The following CNTNAP2 variants were observed in gnomAD, a reference collection of about 807,000 sequenced individuals.
The protein encoded by CNTNAP2 is contactin associated protein 2.
CNTNAP2 carries 98 observed loss-of-function variants against 155.2 expected under a neutral mutation model. The observed-to-expected ratio is 0.63, with a 90% CI of 0.54 to 0.75. CNTNAP2 has a LOEUF of 0.75. CNTNAP2 is among the 30% of genes least tolerant of loss of function. The pLI is 0.00. For missense variants in CNTNAP2, 1,727 were observed against 1,688.1 expected, an observed-to-expected ratio of 1.02 and a Z score of -0.40; for synonymous variants, 651 against 631.2, an observed-to-expected ratio of 1.03 and a Z score of -0.47.
chr7:147,622,581 C>T (rs1277909145), intron 12 of CNTNAP2, among the ~76,000 whole-genome samples: 1 of 151,760 alleles, frequency 6.6e-6, no homozygotes, highest in Non-Finnish European at 1.5e-5. Context: ...TGGCTTGAAA[C>T]AAATGATGAT....
intron 15 of CNTNAP2, among the ~76,000 whole-genome samples, chr7:148,095,088 A>G (rs1803934033): frequency 6.6e-6 from 1 of 152,244 alleles, no homozygotes; most frequent in African/African-American, 2.4e-5. Flanking sequence ...AAGCACAGAA[A>G]TCAGGGCTAC....
chr7:148,031,169 G>C (rs1011623902), intron 15 of CNTNAP2, among the ~76,000 whole-genome samples: 2 of 152,168 alleles, frequency 1.3e-5, no homozygotes, highest in Admixed American at 6.5e-5. Flanking sequence ...CAGAGACTGA[G>C]AGACTGGGGC....
At chr7:148,001,907 A>G (rs1312444323) in intron 15 of CNTNAP2, among the ~76,000 whole-genome samples, 2 of 152,222 alleles carry the variant, frequency 1.3e-5, no homozygotes, top group Non-Finnish European at 2.9e-5. Flanking sequence ...AAGCTTAATT[A>G]TTCATCAATT....
At chr7:148,116,371 C>T (rs1804472082) in intron 15 of CNTNAP2, among the ~76,000 whole-genome samples, 1 of 152,118 alleles carries the variant, frequency 6.6e-6, no homozygotes, top group South Asian at 2.1e-4. Context: ...CGAAACTAAG[C>T]TTATCAGCAA....
Position 147,436,251 on chromosome 7 carries a change from C to G in CNTNAP2, c.1670+40471C>G, listed in dbSNP as rs1797545967. 3.9e-5 allele frequency among the ~76,000 whole-genome samples: 6 copies of G among 152,206 alleles called. No individual in the cohort carries two copies. The South Asian group carries it at 1.2e-3, about 32-fold the overall frequency. ...TAGGTTAGATACCCTTATTAACTAG[C>G]CAGGGAACCTTCTCTCTTGAAAAAC... On this transcript the variant is annotated intron_variant, in intron 10 of 23. Transcript: ENST00000361727.
intron 19 of CNTNAP2, among the ~76,000 whole-genome samples, chr7:148,225,603 CA>C (rs1489668861): frequency 2.0e-5 from 3 of 152,074 alleles, no homozygotes. Flanking sequence ...AGCAGAGGAT[CA>C]CTCTGACCAC....
chr7:147,348,527 C>T (rs1056920960), intron 9 of CNTNAP2, among the ~76,000 whole-genome samples: 4 of 151,930 alleles, frequency 2.6e-5, no homozygotes, highest in Non-Finnish European at 2.9e-5. Flanking sequence ...GAAAAGGGAA[C>T]TCTTATATGC....
intron 9 of CNTNAP2, among the ~76,000 whole-genome samples, chr7:147,350,873 G>T (rs116385554): frequency 0.016 from 2,491 of 151,790 alleles, 71 homozygotes; most frequent in African/African-American, 0.056. Context: ...ATAAATTCAG[G>T]TTTATAAATT....
At chr7:146,596,389 CAG>C (rs1397330573) in intron 1 of CNTNAP2, among the ~76,000 whole-genome samples, 1 of 151,658 alleles carries the variant, frequency 6.6e-6, no homozygotes, top group Non-Finnish European at 1.5e-5. Flanking sequence ...TGAGAGGAAA[CAG>C]TAATAGGAGA....
chr7:148,040,407 G>C (rs1585092404), intron 15 of CNTNAP2, among the ~76,000 whole-genome samples: 1 of 152,048 alleles, frequency 6.6e-6, no homozygotes, highest in Admixed American at 6.5e-5. Flanking sequence ...CCATTCCCAG[G>C]ATCCATCCTC....
intron 1 of CNTNAP2, among the ~76,000 whole-genome samples, chr7:146,666,820 C>T (rs1800203794): frequency 6.6e-6 from 1 of 151,996 alleles, no homozygotes; most frequent in African/African-American, 2.4e-5. Flanking sequence ...AGATCATTTG[C>T]CCATTTTTTA....
chr7:146,655,596 T>A (rs2129164832), intron 1 of CNTNAP2, among the ~76,000 whole-genome samples: 1 of 152,212 alleles, frequency 6.6e-6, no homozygotes, highest in South Asian at 2.1e-4. Context: ...ATGCCAATTA[T>A]CATCCATGCT....
chr7:146,313,347 A>G (rs1277348373), intron 1 of CNTNAP2, among the ~76,000 whole-genome samples: 2 of 152,102 alleles, frequency 1.3e-5, no homozygotes, highest in African/African-American at 4.8e-5. Flanking sequence ...TTGGCCATTC[A>G]TATCTCTTCT....
At chr7:147,540,145 A>G (rs1364999902) in intron 11 of CNTNAP2, among the ~76,000 whole-genome samples, 1 of 152,172 alleles carries the variant, frequency 6.6e-6, no homozygotes, top group African/African-American at 2.4e-5. Context: ...TTAAAGCATC[A>G]GTTCTTTGAA....
At chr7:147,479,733 CTTT>C (rs11382857) in intron 10 of CNTNAP2, among the ~76,000 whole-genome samples, 1 of 150,350 alleles carries the variant, frequency 6.7e-6, no homozygotes, top group African/African-American at 2.4e-5. Flanking sequence ...AATATGCTTG[CTTT>C]TTTTTTAATG....
chr7:146,803,949 G>A (rs1038211928), intron 2 of CNTNAP2, among the ~76,000 whole-genome samples: 1 of 152,152 alleles, frequency 6.6e-6, no homozygotes, highest in African/African-American at 2.4e-5. Flanking sequence ...TGAGAAATAG[G>A]TGGTAGGAAA....
chr7:147,097,768 C>T (rs1311696261), intron 4 of CNTNAP2, among the ~76,000 whole-genome samples: 1 of 152,096 alleles, frequency 6.6e-6, no homozygotes, highest in Non-Finnish European at 1.5e-5. Context: ...AAGTAACAAA[C>T]TAAGATTCTG....
At chr7:147,358,139 C>T (rs1796093076) in intron 9 of CNTNAP2, among the ~76,000 whole-genome samples, 1 of 152,074 alleles carries the variant, frequency 6.6e-6, no homozygotes, top group African/African-American at 2.4e-5. Context: ...ATAGCATTTT[C>T]CCAAAAGAAA....
intron 17 of CNTNAP2, among the ~76,000 whole-genome samples, chr7:148,153,138 G>A (rs757777501): frequency 1.3e-5 from 2 of 150,458 alleles, no homozygotes; most frequent in Non-Finnish European, 2.9e-5. Flanking sequence ...GAGGCTAGAA[G>A]CAGGACGGAG....
Sources: allele counts gnomAD v4.1 joint callset (sites outside exome capture counted in the v4.1 genomes callset), GRCh38; gene constraint gnomAD v4.1.1; transcripts MANE v1.5; gene names NCBI Gene and HGNC (gene_info 2026-07-23, HGNC 2026-07-21).